The following INTS4 variants were observed in gnomAD, a reference collection of about 807,000 sequenced individuals.
INTS4 encodes the protein integrator complex subunit 4.
INTS4 carries 70 observed loss-of-function variants against 119.5 expected under a neutral mutation model. The observed-to-expected ratio is 0.59, with a 90% confidence interval of 0.48 to 0.71. The LOEUF is 0.71. Ranked by LOEUF, INTS4 falls within the 30% of genes least tolerant of loss-of-function variation. The pLI is 0.00. For synonymous variants in INTS4, 316 were observed against 419.6 expected (o/e 0.75, Z 3.02); for missense variants, 867 against 1,173.2 (o/e 0.74, Z 3.81).
rs73499828 is a variant in INTS4 at position 77,883,333 on chromosome 11, A to T, written c.2713+499T>A. ...AGCAGGCTTACAGGCTTGAAATGTA[A>T]TCTCCTTTGTACTTGTATTCTCCCA... On this transcript the variant is annotated intron_variant, in intron 22 of 22. Coordinates refer to ENST00000534064, the MANE Select transcript of INTS4 (RefSeq NM_033547.4). Among the ~76,000 whole-genome samples the T allele has an allele frequency of 4.8e-3, 728 of 152,268 alleles. 5 individuals carry two copies. The highest frequency in any genetic ancestry group is 0.017 in the African/African-American group (695 of 41,542).
At chr11:77,990,394 C>T (rs1856626711) in intron 2 of INTS4, among the ~76,000 whole-genome samples, 1 of 151,860 alleles carries the variant, frequency 6.6e-6, no homozygotes, top group South Asian at 2.1e-4. Context: ...GTCTCAAAAA[C>T]AGTTTTTTTG....
intron 4 of INTS4, among the ~76,000 whole-genome samples, chr11:77,975,145 T>C (rs963819300): frequency 6.6e-6 from 1 of 152,144 alleles, no homozygotes; most frequent in African/African-American, 2.4e-5. Context: ...GTTTAATGGG[T>C]GCTTCTTTTT....
At chr11:77,985,302 C>T (rs1341438126) in intron 2 of INTS4, among the ~76,000 whole-genome samples, 1 of 152,182 alleles carries the variant, frequency 6.6e-6, no homozygotes, top group Non-Finnish European at 1.5e-5. Flanking sequence ...CCTTCCAAAT[C>T]TTCTGGTCTT....
At position 77,883,950 on chromosome 11, in the gene INTS4, G is replaced by C; in HGVS notation, c.2595C>G (p.Val865=). The C allele has an allele frequency of 6.2e-7, 1 of 1,612,394 alleles. No individual in the cohort carries two copies. Among genetic ancestry groups the C allele is most frequent in the African/African-American group, 1.3e-5 (1 of 74,972 alleles). Residue 865 remains valine (V), a splice_region_variant and synonymous_variant, in exon 22 of 23, where the codon GTC becomes GTG. Coordinates refer to ENST00000534064, the MANE Select transcript of INTS4 (RefSeq NM_033547.4). The part of the protein sequence containing the change: ...QDPQNTVKVQ[V]LYPDGQAQMI... ...TCTGAGCCTGGCCATCTGGATATAA[G>C]ACCTAAAGGGTGACAGAAATGAGAA...
intron 4 of INTS4, chr11:77,978,227 T>C (rs1565287214): frequency 1.3e-5 from 2 of 152,146 alleles, no homozygotes; most frequent in Admixed American, 6.6e-5. Context: ...TGTCAAAGTG[T>C]TTTTGGTTTT....
chr11:77,965,358 AGTT>A (rs1855454874), intron 4 of INTS4, among the ~76,000 whole-genome samples: 1 of 152,092 alleles, frequency 6.6e-6, no homozygotes, highest in Non-Finnish European at 1.5e-5. Flanking sequence ...CCCTACTCTT[AGTT>A]ATTTTTAAAT....
intron 17 of INTS4, 123 bp from the exon 18 acceptor site, chr11:77,901,674 T>C (rs1952781697): frequency 2.8e-6 from 2 of 716,754 alleles, no homozygotes; most frequent in Non-Finnish European, 4.7e-6. Flanking sequence ...ATCCTTATGC[T>C]TTTAAGTGTT....
chr11:77,992,316 A>G (rs1239139016), intron 1 of INTS4, among the ~76,000 whole-genome samples: 1 of 152,046 alleles, frequency 6.6e-6, no homozygotes, highest in Non-Finnish European at 1.5e-5. Flanking sequence ...GCGTGAACCC[A>G]GGAGGCAGAA....
intron 4 of INTS4, among the ~76,000 whole-genome samples, chr11:77,974,489 C>A (rs541785310): frequency 2.8e-4 from 43 of 151,874 alleles, no homozygotes; most frequent in Non-Finnish European, 5.1e-4. Flanking sequence ...GATCTGCCCA[C>A]CTCAGCCTCC....
At chr11:77,881,307 G>A (rs7120986) in intron 22 of INTS4, among the ~76,000 whole-genome samples, 3,137 of 152,284 alleles carry the variant, frequency 0.021, 97 homozygotes, top group African/African-American at 0.071. Context: ...TTCCTACGTG[G>A]CAGCATCCTG....
intron 15 of INTS4, among the ~76,000 whole-genome samples, chr11:77,916,984 T>C (rs559536141): frequency 6.6e-6 from 1 of 152,322 alleles, no homozygotes; most frequent in East Asian, 1.9e-4. Context: ...CCTAATATAA[T>C]GGGAAAACAT....
At chr11:77,974,238 CTTTTTTT>C (rs60093605) in intron 4 of INTS4, among the ~76,000 whole-genome samples, 3 of 84,336 alleles carry the variant, frequency 3.6e-5, no homozygotes, top group Non-Finnish European at 7.3e-5. Context: ...TTTTTCTTTT[CTTTTTTT>C]TTTTTTTTTT....
intron 2 of INTS4, among the ~76,000 whole-genome samples, chr11:77,990,099 G>A (rs1335980451): frequency 6.6e-6 from 1 of 151,370 alleles, no homozygotes; most frequent in Non-Finnish European, 1.5e-5. Flanking sequence ...CACACCTGCG[G>A]TCCTAGCCAC....
At chr11:77,896,220 T>C (rs949839959) in intron 18 of INTS4, among the ~76,000 whole-genome samples, 5 of 149,214 alleles carry the variant, frequency 3.4e-5, no homozygotes, top group Non-Finnish European at 7.4e-5. Context: ...AGAGAAACTA[T>C]ACAGAAAAAA....
intron 2 of INTS4, among the ~76,000 whole-genome samples, chr11:77,988,797 C>T (rs1051808670): frequency 1.3e-5 from 2 of 152,114 alleles, no homozygotes; most frequent in Non-Finnish European, 2.9e-5. Context: ...CAAGTTAATC[C>T]TTAAAGAAGT....
chr11:77,974,447 T>C (rs1262271082), intron 4 of INTS4, among the ~76,000 whole-genome samples: 3 of 152,000 alleles, frequency 2.0e-5, no homozygotes, highest in African/African-American at 7.2e-5. Flanking sequence ...TTCACCATGT[T>C]GGTCAGGCTG....
intron 1 of INTS4, among the ~76,000 whole-genome samples, chr11:77,994,145 T>C (rs1297260112): frequency 6.6e-6 from 1 of 152,034 alleles, no homozygotes; most frequent in Non-Finnish European, 1.5e-5. Flanking sequence ...CCTTAGAACC[T>C]TGTGTATATT....
intron 2 of INTS4, among the ~76,000 whole-genome samples, chr11:77,983,225 T>C (rs1437358677): frequency 6.6e-6 from 1 of 152,170 alleles, no homozygotes; most frequent in Non-Finnish European, 1.5e-5. Flanking sequence ...AGTTCCTTGA[T>C]CTTTATTATT....
chr11:77,906,190 G>T (rs1485486537), intron 16 of INTS4, among the ~76,000 whole-genome samples: 4 of 151,968 alleles, frequency 2.6e-5, no homozygotes, highest in Non-Finnish European at 5.9e-5. Context: ...ATTATGATTG[G>T]CTCCCCTTCT....
Sources: allele counts gnomAD v4.1 joint callset (sites outside exome capture counted in the v4.1 genomes callset), GRCh38; gene constraint gnomAD v4.1.1; transcripts MANE v1.5; gene names NCBI Gene and HGNC (gene_info 2026-07-23, HGNC 2026-07-21).